The following EXD2 variants were observed in gnomAD, a reference collection of about 807,000 sequenced individuals.
EXD2 encodes exonuclease 3'-5' domain-containing protein 2.
A neutral mutation model predicts 62.5 loss-of-function variants in EXD2; 40 were observed. That is an observed-to-expected ratio of 0.64 (90% CI 0.50 to 0.83). The LOEUF (loss-of-function observed/expected upper bound fraction) is 0.83. EXD2 is among the 40% of genes least tolerant of loss of function. The probability of loss-of-function intolerance (pLI) is 0.00; values close to 1 mark genes in which losing one functional copy is unlikely to be tolerated. For missense variants in EXD2, 671 were observed against 761.8 expected, an observed-to-expected ratio of 0.88 and a Z score of 1.40; for synonymous variants, 239 against 291.9, an observed-to-expected ratio of 0.82 and a Z score of 1.85.
At chr14:69,224,819 A>C (rs1485088202) in intron 3 of EXD2, among the ~76,000 whole-genome samples, 2 of 151,992 alleles carry the variant, frequency 1.3e-5, no homozygotes, top group Non-Finnish European at 2.9e-5. Context: ...TCTCTACTAA[A>C]AATACAAAAA....
Position 69,209,794 on chromosome 14 carries a change from C to G in EXD2, c.324C>G (p.Asp108Glu). Residue 108 changes from aspartate (D) to glutamate (E), a missense_variant, in exon 3 of 10, where the codon GAC becomes GAG. Transcript: ENST00000685843. ...AAGATTTTCCAGTACTTGGAATTGA[C>G]TGTGAGTGGGTAAGTTAAAAAGCAA... The part of the protein sequence containing the change: ...ELEDFPVLGI[D>E]CEWVNLEGKA... 7.0e-7 allele frequency: 1 copy of G among 1,434,902 alleles called. No homozygotes were observed. Among genetic ancestry groups the G allele is most frequent in the South Asian group, 1.4e-5 (1 of 69,256 alleles). 88.9% of individuals were successfully genotyped at this position (1,434,902 alleles called of 1,614,324 possible).
chr14:69,214,032 T>G (rs888469026), intron 3 of EXD2: 5 of 152,142 alleles, frequency 3.3e-5, no homozygotes, highest in South Asian at 2.1e-4. Flanking sequence ...AATGTCTGTA[T>G]TTTGATTTTA....
At chr14:69,214,182 T>C (rs1402299568) in intron 3 of EXD2, 1 of 152,182 alleles carries the variant, frequency 6.6e-6, no homozygotes, top group African/African-American at 2.4e-5. Context: ...TTGTAAGTAA[T>C]GTAATTTTTT....
chr14:69,220,731 T>G (rs537355960), intron 3 of EXD2, among the ~76,000 whole-genome samples: 43 of 151,710 alleles, frequency 2.8e-4, no homozygotes, highest in Middle Eastern at 6.8e-3. Flanking sequence ...TAGCCGGGCT[T>G]GGTTGTGGGT....
chr14:69,227,925 A>G (rs938883995), intron 3 of EXD2: 3 of 128,304 alleles, frequency 2.3e-5, no homozygotes, highest in Non-Finnish European at 4.8e-5. Context: ...TGCTCAATAT[A>G]CATTTTTTTT....
chr14:69,201,833 C>G (rs766082767), intron 1 of EXD2, among the ~76,000 whole-genome samples: 1 of 151,904 alleles, frequency 6.6e-6, no homozygotes. Context: ...CAGGCGCACA[C>G]CACCACACCC....
In EXD2 at chr14:69,242,310, TTGG is replaced by T. The variant is rs34513466; in HGVS notation, c.*1213_*1215del. 4 of 331,346 alleles carry T rather than the reference TTGG, an allele frequency of 1.2e-5. No individual in the cohort carries two copies. The highest frequency in any genetic ancestry group is 2.2e-5 in the Non-Finnish European group (4 of 185,630). The allele number at this position is 331,346 out of a possible 1,614,324, so 20.5% of individuals were successfully genotyped here. A position where few individuals can be genotyped will look rare whatever the true frequency, so the allele number is the denominator to read the frequency against. On this transcript the variant is annotated 3_prime_UTR_variant, in exon 10 of 10. Transcript: ENST00000685843. ...GCTCTATTTTGGAATTGTGCCCAAGTTGGTGATGTTTACTCTAAAATTAATAAT... is the reference window on the plus strand; with the variant it reads ...GCTCTATTTTGGAATTGTGCCCAAGTTGATGTTTACTCTAAAATTAATAAT...
intron 1 of EXD2, among the ~76,000 whole-genome samples, chr14:69,193,585 T>C (rs943037157): frequency 5.9e-5 from 9 of 152,270 alleles, no homozygotes; most frequent in African/African-American, 2.2e-4. Flanking sequence ...TTATATGTTC[T>C]GGATTTTGAT....
At chr14:69,194,232 G>A (rs761410108) in intron 1 of EXD2, among the ~76,000 whole-genome samples, 3 of 151,058 alleles carry the variant, frequency 2.0e-5, no homozygotes, top group East Asian at 3.9e-4. Context: ...TCTGCCTCCC[G>A]AGTTCATGCC....
intron 1 of EXD2, among the ~76,000 whole-genome samples, chr14:69,203,401 G>A (rs1416271230): frequency 1.3e-5 from 2 of 152,086 alleles, no homozygotes; most frequent in Non-Finnish European, 2.9e-5. Context: ...AGACCTGAAT[G>A]CCACATTTGA....
intron 2 of EXD2, among the ~76,000 whole-genome samples, chr14:69,208,294 T>G (rs1372534751): frequency 1.4e-5 from 2 of 143,302 alleles, no homozygotes; most frequent in Non-Finnish European, 3.0e-5. Flanking sequence ...CACTGCAAGC[T>G]CCGCCTCCCG....
intron 1 of EXD2, among the ~76,000 whole-genome samples, chr14:69,192,954 C>G (rs1339820004): frequency 6.6e-6 from 1 of 152,108 alleles, no homozygotes; most frequent in African/African-American, 2.4e-5. Flanking sequence ...GAGCATTTCT[C>G]AAGGATGGGT....
chr14:69,235,956 G>C (rs560040966), intron 6 of EXD2, 90 bp from the exon 7 acceptor site: 2 of 917,328 alleles, frequency 2.2e-6, no homozygotes, highest in East Asian at 4.8e-5. Flanking sequence ...GAATAGTTTT[G>C]AGTCACTCAG....
Position 69,241,782 on chromosome 14 carries a change from G to T in EXD2, c.*682G>T. 1 of 398,556 alleles carries T rather than the reference G, an allele frequency of 2.5e-6. No homozygotes were observed. Among genetic ancestry groups the T allele is most frequent in the South Asian group, 1.3e-4 (1 of 7,498 alleles). The allele number at this position is 398,556 out of a possible 1,614,324, so 24.7% of individuals were successfully genotyped here. ...AATCCTTTTCTGGACATGAGCCTTT[G>T]ACCTGGGTGGGGCAGAAAGAACCAC... On this transcript the variant is annotated 3_prime_UTR_variant, in exon 10 of 10. Transcript: ENST00000685843.
At position 69,240,963 on chromosome 14, in the gene EXD2, C is replaced by A; in HGVS notation, c.1729C>A (p.Gln577Lys). 1 of 1,613,520 alleles carries A rather than the reference C, an allele frequency of 6.2e-7. No homozygotes were observed. Among genetic ancestry groups the A allele is most frequent in the South Asian group, 1.1e-5 (1 of 91,042 alleles). ...HSQGGLRSLM[Q>K]LESRWRQHFL... ...CCAGGGTGGCCTGCGCTCCCTCATG[C>A]AGCTGGAGAGCCGCTGGCGTCAGCA... The change falls in exon 10 of 10, where the codon CAG becomes AAG. Residue 577 changes from glutamine (Q) to lysine (K), a missense_variant. Physicochemically the swap from Gln to Lys is moderately conservative, Grantham distance 53. Coordinates refer to ENST00000685843, the MANE Select transcript of EXD2 (RefSeq NM_001193360.2).
chr14:69,192,521 A>G (rs751164570), intron 1 of EXD2, among the ~76,000 whole-genome samples: 3 of 152,058 alleles, frequency 2.0e-5, no homozygotes, highest in Non-Finnish European at 4.4e-5. Flanking sequence ...TCTTAGCTTG[A>G]TGTTCTTGGT....
intron 2 of EXD2, among the ~76,000 whole-genome samples, chr14:69,206,519 A>G (rs1392554301): frequency 7.9e-6 from 1 of 125,824 alleles, no homozygotes; most frequent in East Asian, 2.5e-4. Flanking sequence ...CCCAGGCTAG[A>G]GTGCAGTGGG....
intron 7 of EXD2, 50 bp downstream of exon 7, chr14:69,236,202 C>T: frequency 6.5e-7 from 1 of 1,548,738 alleles, no homozygotes. Context: ...GCATTGGATG[C>T]TGGCAGGAGT....
chr14:69,203,459 A>T (rs1364292489), intron 1 of EXD2, among the ~76,000 whole-genome samples: 2 of 152,162 alleles, frequency 1.3e-5, no homozygotes, highest in Non-Finnish European at 2.9e-5. Flanking sequence ...CTTGGCCAGG[A>T]GAGTCTATAA....
Sources: gnomAD v4.1 joint callset for allele counts (sites outside exome capture counted in the v4.1 genomes callset) on GRCh38, gnomAD v4.1.1 for gene constraint, MANE v1.5 for transcripts, NCBI Gene and HGNC (gene_info 2026-07-23, HGNC 2026-07-21) for gene names.